Variants in WT1 observed in about 807,000 individuals in gnomAD.
The protein encoded by WT1 is WT1 transcription factor.
Under a neutral mutation model 60.8 loss-of-function variants are expected in WT1, and 8 were observed. The ratio of observed to expected loss-of-function variants is 0.13; its 90% CI spans 0.08 to 0.24. WT1 has a LOEUF of 0.24. Ranked by LOEUF, WT1 falls within the 10% of genes least tolerant of loss-of-function variation. WT1 has a pLI of 1.00. For missense variants in WT1, 568 were observed against 711.8 expected (o/e 0.80, Z 2.30); for synonymous variants, 312 against 297.1 (o/e 1.05, Z -0.52).
intron 5 of WT1, among the ~76,000 whole-genome samples, chr11:32,411,052 A>G (rs1004755697): frequency 8.6e-6 from 1 of 116,550 alleles, no homozygotes. Flanking sequence ...ATCTGATGTA[A>G]CCTCTCCCTC....
chr11:32,395,750 C>T (rs1156236946), intron 7 of WT1, among the ~76,000 whole-genome samples: 1 of 148,094 alleles, frequency 6.8e-6, no homozygotes, highest in Non-Finnish European at 1.5e-5. Flanking sequence ...GCGTGAGCCC[C>T]CATGACTGAC....
chr11:32,431,161 C>A (rs1320186712), intron 1 of WT1, among the ~76,000 whole-genome samples: 2 of 152,180 alleles, frequency 1.3e-5, no homozygotes, highest in African/African-American at 2.4e-5. Flanking sequence ...CTGGCCGGGC[C>A]GTGAGAGCTG....
chr11:32,403,905 T>C (rs1191893969), intron 5 of WT1, among the ~76,000 whole-genome samples: 5 of 152,076 alleles, frequency 3.3e-5, no homozygotes, highest in Non-Finnish European at 7.4e-5. Context: ...CAGCCATCTG[T>C]GTGTATCTCC....
intron 5 of WT1, among the ~76,000 whole-genome samples, chr11:32,405,722 C>T (rs968752057): frequency 6.6e-6 from 1 of 152,132 alleles, no homozygotes; most frequent in East Asian, 1.9e-4. Flanking sequence ...GTAAGTAAAT[C>T]ACAGTGCTTG....
At chr11:32,401,617 T>G (rs1852159519) in intron 5 of WT1, among the ~76,000 whole-genome samples, 1 of 152,040 alleles carries the variant, frequency 6.6e-6, no homozygotes, top group Non-Finnish European at 1.5e-5. Context: ...CTTGGCTCAC[T>G]GCAACCACCG....
chr11:32,428,093 G>C (rs769131510), intron 2 of WT1, 35 bp from the exon 3 acceptor site: 4 of 1,554,132 alleles, frequency 2.6e-6, no homozygotes, highest in Admixed American at 1.9e-5. Context: ...GAGCGAGTGC[G>C]CCCCAAGGGC....
chr11:32,427,981 A>C lies in WT1; in HGVS notation c.862T>G (p.Leu288Val). 6.2e-7 allele frequency: 1 copy of C among 1,611,702 alleles called. No homozygotes were observed. Among genetic ancestry groups the C allele is most frequent in the East Asian group, 2.2e-5 (1 of 44,824 alleles). Residue 288 changes from leucine (L) to valine (V), a missense_variant, in exon 3 of 10, where the codon TTG (leucine) becomes GTG (valine). Coordinates refer to ENST00000452863, the MANE Select transcript of WT1 (RefSeq NM_024426.6). Reference sequence around the variant, plus strand: ...CTGCTGTAGGGCGTCCTCAGCAGCAAAGCCTGGCTGCCGGTGCAGCTGTCG... The same window carrying C: ...CTGCTGTAGGGCGTCCTCAGCAGCACAGCCTGGCTGCCGGTGCAGCTGTCG...
At chr11:32,430,731 A>G (rs968671803) in intron 1 of WT1, 14 of 1,357,050 alleles carry the variant, frequency 1.0e-5, no homozygotes, top group Non-Finnish European at 1.3e-5. Flanking sequence ...CTCCTCCCAG[A>G]CCGGACACGC....
chr11:32,396,285 G>A lies in WT1; in HGVS notation c.1236C>T (p.His412=). ...TGTGCTTCCTGCTGTGCATCTGTAAGTGGGACAGCTTAAAATATCTCTTAT... is the reference window on the plus strand; with the variant it reads ...TGTGCTTCCTGCTGTGCATCTGTAAATGGGACAGCTTAAAATATCTCTTAT... Residue 412 remains histidine, a synonymous_variant, in exon 7 of 10, where the codon CAC becomes CAT. Coordinates refer to ENST00000452863, the MANE Select transcript of WT1 (RefSeq NM_024426.6). The A allele has an allele frequency of 6.2e-7, 1 of 1,614,230 alleles. No individual in the cohort carries two copies. Among genetic ancestry groups the A allele is most frequent in the Non-Finnish European group, 8.5e-7 (1 of 1,180,052 alleles).
chr11:32,417,723 C>G (rs1224797110), intron 3 of WT1, 69 bp from the exon 4 acceptor site: 7 of 1,391,232 alleles, frequency 5.0e-6, no homozygotes, highest in South Asian at 1.2e-5. Context: ...TCTTCAAAAG[C>G]AATGGAGTTT....
chr11:32,399,751 C>G (rs943785079), intron 6 of WT1, among the ~76,000 whole-genome samples, 197 bp downstream of exon 6: 3 of 152,220 alleles, frequency 2.0e-5, no homozygotes, highest in Admixed American at 1.3e-4. Flanking sequence ...CGTCAGGCAG[C>G]GGGGCAGCCT....
At chr11:32,429,080 C>T (rs553284630) in intron 1 of WT1, 1 of 280,004 alleles carries the variant, frequency 3.6e-6, no homozygotes, top group Non-Finnish European at 7.0e-6. Flanking sequence ...GGCCCGCGCA[C>T]CAACTTTCAT....
At position 32,418,253 on chromosome 11, in the gene WT1, A is replaced by G. The variant is rs542632633; in HGVS notation, c.888-599T>C. ...CTGGTACAAGTCAAATTAAAAAAAAAAAAAAAGAGCCCAGTTCTATAAGAC... is the reference window on the plus strand; with the variant it reads ...CTGGTACAAGTCAAATTAAAAAAAAGAAAAAAGAGCCCAGTTCTATAAGAC... On this transcript the variant is annotated intron_variant, in intron 3 of 9. Coordinates refer to ENST00000452863, the MANE Select transcript of WT1 (RefSeq NM_024426.6). Among the ~76,000 whole-genome samples the G allele has an allele frequency of 6.8e-3, 1,022 of 151,314 alleles. 13 individuals carry two copies. The highest frequency in any genetic ancestry group is 0.024 in the African/African-American group (988 of 41,368).
chr11:32,432,170 G>A (rs980983585), intron 1 of WT1, among the ~76,000 whole-genome samples: 10 of 152,212 alleles, frequency 6.6e-5, no homozygotes, highest in East Asian at 1.9e-4. Flanking sequence ...AGTTTTGGGC[G>A]GTTGTGAGTG....
At chr11:32,426,289 T>C (rs1423825853) in intron 3 of WT1, among the ~76,000 whole-genome samples, 3 of 152,026 alleles carry the variant, frequency 2.0e-5, no homozygotes, top group Non-Finnish European at 4.4e-5. Flanking sequence ...TGGACCAAGG[T>C]CATTACGTGG....
At chr11:32,428,984 A>C in intron 1 of WT1, 1 of 351,330 alleles carries the variant, frequency 2.8e-6, no homozygotes, top group Non-Finnish European at 5.5e-6. Flanking sequence ...CCAAAAATAA[A>C]CTGCAGCTCT....
Position 32,406,630 on chromosome 11 carries a change from A to AT in WT1, c.1017-6587_1017-6586insA, listed in dbSNP as rs542773350. On this transcript the variant is annotated intron_variant, in intron 5 of 9. Transcript: ENST00000452863. The stretch of plus-strand genomic sequence containing the variant: ...GAAGTTTACCCTCCACCAAAAAAAA[A>AT]ATATATATATTTATTTCTATTGAAC... Among the ~76,000 whole-genome samples, 358 of 151,560 alleles carry AT rather than the reference A, an allele frequency of 2.4e-3. 2 individuals carry two copies. The highest frequency in any genetic ancestry group is 5.8e-3 in the South Asian group (28 of 4,798).
At chr11:32,413,983 G>A (rs2900740) in intron 5 of WT1, among the ~76,000 whole-genome samples, 8,082 of 152,192 alleles carry the variant, frequency 0.053, 366 homozygotes, top group African/African-American at 0.12. Context: ...TGGGGGTGTT[G>A]TAAGATCAGA....
intron 5 of WT1, among the ~76,000 whole-genome samples, chr11:32,416,118 G>C (rs1852660375): frequency 2.0e-5 from 3 of 152,136 alleles, no homozygotes; most frequent in Admixed American, 2.0e-4. Flanking sequence ...GAGATTTAAA[G>C]GTAAATAAAG....
Sources: allele counts gnomAD v4.1 joint callset (sites outside exome capture counted in the v4.1 genomes callset), GRCh38; gene constraint gnomAD v4.1.1; transcripts MANE v1.5; gene names NCBI Gene and HGNC (gene_info 2026-07-23, HGNC 2026-07-21).